The following SPSB4 variants were observed in gnomAD, a reference collection of about 807,000 sequenced individuals.
SPSB4 encodes the protein SPRY domain-containing SOCS box protein 4.
In SPSB4, 21 loss-of-function variants were observed where a neutral mutation model predicts 20.9. The observed-to-expected ratio is 1.01, with a 90% CI of 0.71 to 1.45. SPSB4 has a LOEUF of 1.45. Ranked by LOEUF, SPSB4 falls within the 40% of genes most tolerant of loss-of-function variation. The pLI, the probability that SPSB4 is intolerant of heterozygous loss-of-function variation, is 0.00. For missense variants in SPSB4, 399 were observed against 399.2 expected, an observed-to-expected ratio of 1.00 and a Z score of 0.00; for synonymous variants, 207 against 183.8, an observed-to-expected ratio of 1.13 and a Z score of -1.02.
chr3:141,088,675 G>T lies in SPSB4; in HGVS notation c.694+21877G>T, dbSNP rs554157708. Among the ~76,000 whole-genome samples, 27 of 152,330 alleles carry T rather than the reference G, an allele frequency of 1.8e-4. No homozygotes were observed. The South Asian group carries it at 5.6e-3, about 32-fold the overall frequency. On this transcript the variant is annotated intron_variant, in intron 2 of 2. Coordinates refer to ENST00000310546, the MANE Select transcript of SPSB4 (RefSeq NM_080862.3). ...AGTGCCCCCAGCTCCCCAGCCTCCA[G>T]GGAGACAGTTCTGAGGTCCATCCTA...
rs977621667 is a variant in SPSB4, at chr3:141,052,576, T to C, written c.-154+584T>C. On this transcript the variant is annotated intron_variant, in intron 1 of 2. Coordinates refer to ENST00000310546, the MANE Select transcript of SPSB4 (RefSeq NM_080862.3). ...CCTGGGGGTCTGTTCGTCCGGGGTA[T>C]TCGGAGAGGTGGAAGTAAAGCACGG... Among the ~76,000 whole-genome samples the C allele has an allele frequency of 2.6e-5, 4 of 152,198 alleles. 1 individual carries two copies. The highest frequency in any genetic ancestry group is 6.8e-3 in the Middle Eastern group (2 of 294).
intron 2 of SPSB4, among the ~76,000 whole-genome samples, chr3:141,096,923 G>T (rs1938554597): frequency 6.6e-6 from 1 of 152,056 alleles, no homozygotes; most frequent in Admixed American, 6.6e-5. Context: ...GGTTGAAATG[G>T]GCCCATTGCC....
chr3:141,093,689 A>T (rs1334187317), intron 2 of SPSB4, among the ~76,000 whole-genome samples: 1 of 152,096 alleles, frequency 6.6e-6, no homozygotes, highest in Non-Finnish European at 1.5e-5. Context: ...CTTCTCTCCC[A>T]TCATCCCACA....
intron 2 of SPSB4, among the ~76,000 whole-genome samples, chr3:141,127,910 C>T (rs879450846): frequency 4.7e-4 from 71 of 152,174 alleles, no homozygotes; most frequent in Non-Finnish European, 8.2e-4. Context: ...CTCTTTGTTC[C>T]CAGTTCATTT....
chr3:141,121,378 C>A (rs1478610467), intron 2 of SPSB4, among the ~76,000 whole-genome samples: 1 of 152,146 alleles, frequency 6.6e-6, no homozygotes, highest in Non-Finnish European at 1.5e-5. Context: ...GTGAATCTGA[C>A]AGTTATGTGT....
rs1183227716 is a variant in SPSB4 at position 141,148,401 on chromosome 3, C to G, written c.*1132C>G. ...TGGTCCTCTCGCAGGAATGCTGCTG[C>G]TGCCTCCGCCGCCACTGCTGCTGCC... On this transcript the variant is annotated 3_prime_UTR_variant, in exon 3 of 3. Coordinates refer to ENST00000310546, the MANE Select transcript of SPSB4 (RefSeq NM_080862.3). The surrounding 1 kb of genome is among the most constrained non-coding windows in gnomAD (Gnocchi z 4.5). 1.3e-5 allele frequency: 2 copies of G among 153,362 alleles called. No homozygotes were observed. The highest frequency in any genetic ancestry group is 2.4e-5 in the African/African-American group (1 of 41,462). 9.5% of individuals were successfully genotyped at this position (153,362 alleles called of 1,614,324 possible).
At chr3:141,123,699 A>G (rs775060499) in intron 2 of SPSB4, among the ~76,000 whole-genome samples, 42 of 152,156 alleles carry the variant, frequency 2.8e-4, no homozygotes, top group African/African-American at 1.0e-3. Context: ...CTGATATTGG[A>G]TGTGTTTCTT....
At chr3:141,065,072 G>A (rs1937838193) in intron 1 of SPSB4, among the ~76,000 whole-genome samples, 1 of 152,168 alleles carries the variant, frequency 6.6e-6, no homozygotes, top group African/African-American at 2.4e-5. Flanking sequence ...TCACCAGAGG[G>A]AGGTGTTTTA....
chr3:141,142,888 C>A, intron 2 of SPSB4, among the ~76,000 whole-genome samples: 1 of 134,734 alleles, frequency 7.4e-6, no homozygotes, highest in Non-Finnish European at 1.5e-5. Flanking sequence ...ATGATCTCAG[C>A]TCATTGCAAG....
At chr3:141,134,049 C>CTTTTTTTTTT (rs1939184001) in intron 2 of SPSB4, among the ~76,000 whole-genome samples, 14 of 63,902 alleles carry the variant, frequency 2.2e-4, no homozygotes, top group East Asian at 4.3e-4. Flanking sequence ...TTTTTTTTTT[C>CTTTTTTTTTT]TTTTTTCTTT....
chr3:141,136,582 T>C (rs1939231883), intron 2 of SPSB4, among the ~76,000 whole-genome samples: 1 of 152,222 alleles, frequency 6.6e-6, no homozygotes, highest in Non-Finnish European at 1.5e-5. Context: ...CCCAGCACCA[T>C]TGATTAAATA....
At chr3:141,128,563 G>A (rs1352630802) in intron 2 of SPSB4, among the ~76,000 whole-genome samples, 2 of 152,152 alleles carry the variant, frequency 1.3e-5, no homozygotes, top group Non-Finnish European at 2.9e-5. Context: ...GAGTGAGCAC[G>A]CAGCCCCCAG....
chr3:141,065,690 CTTCAGTG>C (rs1349895673), intron 1 of SPSB4, among the ~76,000 whole-genome samples: 2 of 152,240 alleles, frequency 1.3e-5, no homozygotes, highest in Non-Finnish European at 2.9e-5. Flanking sequence ...CTCTCTCTGA[CTTCAGTG>C]TTCTCATCTG....
chr3:141,147,435 A>C lies in SPSB4; in HGVS notation c.*166A>C. 2 of 1,219,702 alleles carry C rather than the reference A, an allele frequency of 1.6e-6. No homozygotes were observed. The highest frequency in any genetic ancestry group is 2.3e-6 in the Non-Finnish European group (2 of 888,686). The allele number at this position is 1,219,702 out of a possible 1,614,324, so 75.6% of individuals were successfully genotyped here. ...GATGTGGTACCAACTTTGGAAACGAAAGGTCTCTTGCCAACAGTATCTACT... is the reference window on the plus strand; with the variant it reads ...GATGTGGTACCAACTTTGGAAACGACAGGTCTCTTGCCAACAGTATCTACT... On this transcript the variant is annotated 3_prime_UTR_variant, in exon 3 of 3. Coordinates refer to ENST00000310546, the MANE Select transcript of SPSB4 (RefSeq NM_080862.3).
chr3:141,085,809 C>G (rs542702235), intron 2 of SPSB4, among the ~76,000 whole-genome samples: 1 of 152,348 alleles, frequency 6.6e-6, no homozygotes, highest in African/African-American at 2.4e-5. Flanking sequence ...AGAAGGTCCC[C>G]TCCCTAGGGA....
chr3:141,099,736 G>T (rs1421167125), intron 2 of SPSB4, among the ~76,000 whole-genome samples: 1 of 152,218 alleles, frequency 6.6e-6, no homozygotes, highest in East Asian at 1.9e-4. Context: ...CGTTAGTCTT[G>T]TTGGGAAGGT....
chr3:141,122,727 G>A (rs909517637), intron 2 of SPSB4, among the ~76,000 whole-genome samples: 10 of 152,318 alleles, frequency 6.6e-5, no homozygotes, highest in Admixed American at 2.6e-4. Context: ...GCAAGGCTCC[G>A]TGGGCGTGGG....
chr3:141,146,772 T>TAA (rs1166026396), intron 2 of SPSB4, among the ~76,000 whole-genome samples: 5 of 128,222 alleles, frequency 3.9e-5, no homozygotes, highest in Admixed American at 1.5e-4. Flanking sequence ...AGACTCCATC[T>TAA]AAAAAAAAAA....
chr3:141,060,963 CAT>C (rs1235910366), intron 1 of SPSB4, among the ~76,000 whole-genome samples: 1 of 152,074 alleles, frequency 6.6e-6, no homozygotes, highest in African/African-American at 2.4e-5. Flanking sequence ...AGGAGTTTGA[CAT>C]ATATTTGTTG....
Sources: allele counts gnomAD v4.1 joint callset (sites outside exome capture counted in the v4.1 genomes callset), GRCh38; gene constraint gnomAD v4.1.1; non-coding constraint Gnocchi (gnomAD v3.1); transcripts MANE v1.5; gene names NCBI Gene and HGNC (gene_info 2026-07-23, HGNC 2026-07-21).